Variants in GABBR2 observed in about 807,000 individuals in gnomAD.
GABBR2 encodes gamma-aminobutyric acid type B receptor subunit 2, also known as G-protein coupled receptor 51.
A neutral mutation model predicts 105.6 loss-of-function variants in GABBR2; 23 were observed. That is an observed-to-expected ratio of 0.22 (90% confidence interval 0.16 to 0.31). The LOEUF is 0.31. Ranked by LOEUF, GABBR2 falls within the 10% of genes least tolerant of loss-of-function variation. The pLI, the probability that GABBR2 is intolerant of heterozygous loss-of-function variation, is 1.00. For synonymous variants in GABBR2, 478 were observed against 499.7 expected (o/e 0.96, Z 0.58); for missense variants, 734 against 1,245.5 (o/e 0.59, Z 6.18).
chr9:98,494,446 G>A (rs111802739), intron 4 of GABBR2, among the ~76,000 whole-genome samples: 4 of 152,320 alleles, frequency 2.6e-5, no homozygotes, highest in African/African-American at 7.2e-5. Flanking sequence ...CAACAGATGA[G>A]TACTCTGTCA....
chr9:98,567,333 A>G (rs1194473040), intron 2 of GABBR2, among the ~76,000 whole-genome samples: 1 of 152,206 alleles, frequency 6.6e-6, no homozygotes, highest in Non-Finnish European at 1.5e-5. Context: ...CCTTGCAGGA[A>G]TAGATTGGGA....
chr9:98,649,699 GA>G (rs1300471954), intron 1 of GABBR2, among the ~76,000 whole-genome samples: 1 of 152,132 alleles, frequency 6.6e-6, no homozygotes, highest in African/African-American at 2.4e-5. Context: ...ATGCCTACAG[GA>G]AAAACAGGTT....
At chr9:98,599,208 C>T (rs1829283205) in intron 1 of GABBR2, among the ~76,000 whole-genome samples, 1 of 152,198 alleles carries the variant, frequency 6.6e-6, no homozygotes, top group Admixed American at 6.5e-5. Context: ...GAAAGACTGA[C>T]ATGGCATGAC....
intron 7 of GABBR2, among the ~76,000 whole-genome samples, chr9:98,433,129 A>G (rs965222906): frequency 6.6e-6 from 1 of 152,246 alleles, no homozygotes; most frequent in Non-Finnish European, 1.5e-5. Flanking sequence ...TGGAATTACT[A>G]GATTGGAGGA....
intron 1 of GABBR2, among the ~76,000 whole-genome samples, chr9:98,602,519 G>A (rs1169047440): frequency 6.6e-6 from 1 of 150,740 alleles, no homozygotes; most frequent in Non-Finnish European, 1.5e-5. Flanking sequence ...TTGAACTCCT[G>A]AGCTCAAATG....
intron 11 of GABBR2, among the ~76,000 whole-genome samples, chr9:98,378,032 T>C (rs1190204750): frequency 6.6e-6 from 1 of 152,208 alleles, no homozygotes; most frequent in African/African-American, 2.4e-5. Context: ...CCCACATTAT[T>C]ACATTGTTTT....
At position 98,388,818 on chromosome 9, in the gene GABBR2, A is replaced by G. The variant is rs1219931518; in HGVS notation, c.1529+36T>C. 6.4e-7 allele frequency: 1 copy of G among 1,572,656 alleles called. No individual in the cohort carries two copies. The highest frequency in any genetic ancestry group is 8.7e-7 in the Non-Finnish European group (1 of 1,148,530). On this transcript the variant is annotated intron_variant, in intron 10 of 18. Coordinates refer to ENST00000259455, the MANE Select transcript of GABBR2 (RefSeq NM_005458.8). This position sits in a 1 kb window ranked among gnomAD's most constrained non-coding sequence, Gnocchi z 4.4. Reference sequence around the variant, plus strand: ...TGTGTCCATAGGCTTGTCAATTTAGAAAGTGATATCACAGAGGAGGACCAG... The same window carrying G: ...TGTGTCCATAGGCTTGTCAATTTAGGAAGTGATATCACAGAGGAGGACCAG...
intron 3 of GABBR2, among the ~76,000 whole-genome samples, chr9:98,513,146 T>G (rs1483693099): frequency 1.2e-3 from 189 of 151,330 alleles, no homozygotes; most frequent in African/African-American, 4.4e-3. Flanking sequence ...ACAAAAACAA[T>G]CAATGGGGAA....
chr9:98,473,120 G>A (rs1826718061), intron 6 of GABBR2, 26 bp downstream of exon 6: 1 of 1,571,496 alleles, frequency 6.4e-7, no homozygotes, highest in East Asian at 2.2e-5. Context: ...GGGCCAGAAG[G>A]TTGAAATGGG....
At chr9:98,390,095 C>T (rs1260713457) in intron 9 of GABBR2, among the ~76,000 whole-genome samples, 4 of 152,160 alleles carry the variant, frequency 2.6e-5, no homozygotes, top group Admixed American at 1.3e-4. Context: ...GTGGCTTTGG[C>T]TGAGCGTGGT....
intron 2 of GABBR2, among the ~76,000 whole-genome samples, chr9:98,567,326 T>C (rs1828766761): frequency 6.6e-6 from 1 of 152,220 alleles, no homozygotes; most frequent in South Asian, 2.1e-4. Flanking sequence ...GGTATGTCCT[T>C]GCAGGAATAG....
chr9:98,673,094 C>T (rs1453079871), intron 1 of GABBR2, among the ~76,000 whole-genome samples: 5 of 152,056 alleles, frequency 3.3e-5, no homozygotes, highest in East Asian at 1.9e-4. Flanking sequence ...TAGATGAAAC[C>T]CCATGTACAC....
chr9:98,312,049 C>T (rs1272319854), intron 13 of GABBR2, among the ~76,000 whole-genome samples: 1 of 152,204 alleles, frequency 6.6e-6, no homozygotes, highest in Non-Finnish European at 1.5e-5. Context: ...CCCTTCACCC[C>T]TGAATATCCT....
intron 3 of GABBR2, among the ~76,000 whole-genome samples, chr9:98,521,289 C>T (rs2131712727): frequency 6.6e-6 from 1 of 152,284 alleles, no homozygotes; most frequent in East Asian, 1.9e-4. Context: ...TGACTCATGG[C>T]TCTCCTTCCT....
At chr9:98,478,305 C>T (rs1826836304) in intron 5 of GABBR2, among the ~76,000 whole-genome samples, 1 of 152,070 alleles carries the variant, frequency 6.6e-6, no homozygotes, top group Admixed American at 6.5e-5. Flanking sequence ...CTCTGAGCGT[C>T]CCCTCCCTCT....
At chr9:98,348,089 G>T (rs1359062213) in intron 13 of GABBR2, among the ~76,000 whole-genome samples, 1 of 152,144 alleles carries the variant, frequency 6.6e-6, no homozygotes, top group Non-Finnish European at 1.5e-5. Flanking sequence ...CCAGTCTTGG[G>T]TGTGTCTTTA....
intron 13 of GABBR2, among the ~76,000 whole-genome samples, chr9:98,324,537 CACACAG>C (rs1181084551): frequency 6.9e-4 from 89 of 129,092 alleles, no homozygotes; most frequent in Non-Finnish European, 1.3e-3. Flanking sequence ...CACACACACA[CACACAG>C]AGTAGTGCAT....
At chr9:98,521,768 G>T (rs1827871277) in intron 3 of GABBR2, among the ~76,000 whole-genome samples, 1 of 152,064 alleles carries the variant, frequency 6.6e-6, no homozygotes, top group Admixed American at 6.6e-5. Flanking sequence ...ACAGCATCTA[G>T]ATAAAACAAT....
intron 7 of GABBR2, among the ~76,000 whole-genome samples, chr9:98,440,751 A>G (rs983208331): frequency 1.5e-4 from 23 of 152,354 alleles, no homozygotes; most frequent in African/African-American, 5.5e-4. Context: ...AGAGTGTCAC[A>G]TCGAGTGTGT....
Sources: allele counts gnomAD v4.1 joint callset (sites outside exome capture counted in the v4.1 genomes callset), GRCh38; gene constraint gnomAD v4.1.1; non-coding constraint Gnocchi (gnomAD v3.1); transcripts MANE v1.5; gene names NCBI Gene and HGNC (gene_info 2026-07-23, HGNC 2026-07-21).